Variants in CALN1 observed in about 807,000 individuals in gnomAD.
The protein encoded by CALN1 is calcium-binding protein 8.
A neutral mutation model predicts 30.6 loss-of-function variants in CALN1; 17 were observed. The ratio of observed to expected loss-of-function variants is 0.56; its 90% CI spans 0.38 to 0.83. The LOEUF (loss-of-function observed/expected upper bound fraction) is 0.83, where lower values mean the gene tolerates loss of function less well. Ranked by LOEUF, CALN1 falls within the 40% of genes least tolerant of loss-of-function variation. CALN1 has a pLI of 0.00. For synonymous variants in CALN1, 156 were observed against 131.4 expected (o/e 1.19, Z -1.28); for missense variants, 291 against 354.9 (o/e 0.82, Z 1.45).
At chr7:72,125,642 T>C (rs1808697736) in intron 3 of CALN1, among the ~76,000 whole-genome samples, 1 of 151,918 alleles carries the variant, frequency 6.6e-6, no homozygotes, top group Non-Finnish European at 1.5e-5. Context: ...GGGGAACAGG[T>C]GGGTTTTGTT....
chr7:72,122,797 T>C (rs1563077364), intron 3 of CALN1, among the ~76,000 whole-genome samples: 1 of 152,188 alleles, frequency 6.6e-6, no homozygotes, highest in Non-Finnish European at 1.5e-5. Context: ...CAACAAACGT[T>C]TCTTAAGCAC....
chr7:71,781,793 G>C lies in CALN1; in HGVS notation c.*5982C>G, dbSNP rs1415296120. The C allele has an allele frequency of 6.6e-6, 1 of 152,176 alleles. No homozygotes were observed. The highest frequency in any genetic ancestry group is 1.5e-5 in the Non-Finnish European group (1 of 68,044). The allele number at this position is 152,176 out of a possible 1,614,324, so 9.4% of individuals were successfully genotyped here. ...ATGGGTGAGTCTATGCCCGGCATGG[G>C]GGTTGTGCTCAACTGATGAACTACC... On this transcript the variant is annotated 3_prime_UTR_variant, in exon 7 of 7. Transcript: ENST00000395275.
upstream of CALN1, among the ~76,000 whole-genome samples, chr7:72,415,848 C>T (rs1293240748): frequency 1.3e-5 from 2 of 152,182 alleles, no homozygotes; most frequent in Admixed American, 6.5e-5. Flanking sequence ...GGTACCACCA[C>T]GCTCCTTCAC....
chr7:71,973,797 G>A (rs563613585), intron 5 of CALN1, among the ~76,000 whole-genome samples: 7 of 152,266 alleles, frequency 4.6e-5, no homozygotes, highest in Admixed American at 3.3e-4. Flanking sequence ...ACGCAGCTAC[G>A]TTTAAGTGAC....
chr7:72,221,106 G>A (rs1793254398), intron 3 of CALN1, among the ~76,000 whole-genome samples: 1 of 152,030 alleles, frequency 6.6e-6, no homozygotes, highest in African/African-American at 2.4e-5. Context: ...TTTTAGACAT[G>A]AAATCCTTGC....
chr7:72,462,216 C>A, the CALN1 span, among the ~76,000 whole-genome samples: 3 of 150,968 alleles, frequency 2.0e-5, no homozygotes, highest in African/African-American at 7.4e-5. Flanking sequence ...GAGTCTCACT[C>A]TGTCACCTAG....
intron 1 of CALN1, among the ~76,000 whole-genome samples, chr7:72,436,423 G>A (rs1303414691): frequency 1.3e-5 from 2 of 152,156 alleles, no homozygotes; most frequent in African/African-American, 2.4e-5. Context: ...GCCCTCTCCA[G>A]CCACGTGGAA....
At chr7:72,395,359 GCACA>G (rs71069064) in intron 2 of CALN1, among the ~76,000 whole-genome samples, 11 of 151,282 alleles carry the variant, frequency 7.3e-5, no homozygotes, top group Non-Finnish European at 1.5e-4. Flanking sequence ...GCACGCGCGC[GCACA>G]CACACACACA....
At chr7:72,273,390 C>G (rs1797124016) in intron 3 of CALN1, among the ~76,000 whole-genome samples, 1 of 147,004 alleles carries the variant, frequency 6.8e-6, no homozygotes, top group South Asian at 2.3e-4. Flanking sequence ...CCACTGCACT[C>G]CAGCCTGGGC....
At chr7:71,980,153 G>A (rs111978177) in intron 5 of CALN1, among the ~76,000 whole-genome samples, 7 of 144,970 alleles carry the variant, frequency 4.8e-5, no homozygotes, top group African/African-American at 1.0e-4. Flanking sequence ...GCAGGATTAC[G>A]GGCGTGAGCC....
At chr7:72,291,257 T>A (rs1351529825) in intron 2 of CALN1, among the ~76,000 whole-genome samples, 1 of 152,214 alleles carries the variant, frequency 6.6e-6, no homozygotes, top group Non-Finnish European at 1.5e-5. Context: ...CATATTTTTC[T>A]TCAGAATGTC....
At chr7:72,328,939 C>T (rs1801471244) in intron 2 of CALN1, among the ~76,000 whole-genome samples, 1 of 152,250 alleles carries the variant, frequency 6.6e-6, no homozygotes, top group Non-Finnish European at 1.5e-5. Context: ...TCAGCTGATC[C>T]AACCATCTCG....
intron 2 of CALN1, among the ~76,000 whole-genome samples, chr7:72,349,461 C>A (rs1212369432): frequency 6.6e-6 from 1 of 151,854 alleles, no homozygotes; most frequent in Non-Finnish European, 1.5e-5. Flanking sequence ...CACCAAGGTA[C>A]CTTATAATCA....
Position 72,258,899 on chromosome 7 carries a change from A to G in CALN1, c.244+19787T>C, listed in dbSNP as rs886864436. ...GAAACCCTGTCTCTACTAAAAAGTA[A>G]AAAAAAAAAAAGAAAGAAAGAAAGA... On this transcript the variant is annotated intron_variant, in intron 3 of 6. Transcript: ENST00000395275. Among the ~76,000 whole-genome samples the G allele has an allele frequency of 8.5e-4, 104 of 121,882 alleles. 1 individual carries two copies. Among genetic ancestry groups the G allele is most frequent in the South Asian group, 5.7e-3 (20 of 3,494 alleles). The allele number at this position is 121,882 out of a possible 152,430, so 80.0% of individuals were successfully genotyped here.
At chr7:71,954,473 TAAA>T (rs892092800) in intron 5 of CALN1, among the ~76,000 whole-genome samples, 1 of 148,666 alleles carries the variant, frequency 6.7e-6, no homozygotes, top group Admixed American at 6.7e-5. Flanking sequence ...AACTTAAAAT[TAAA>T]AAAAAAATTA....
intron 2 of CALN1, among the ~76,000 whole-genome samples, chr7:72,367,399 G>A (rs1164822505): frequency 1.3e-5 from 2 of 152,104 alleles, no homozygotes; most frequent in African/African-American, 4.8e-5. Context: ...TGAGGTGGGA[G>A]GATTGCTTCA....
intron 5 of CALN1, among the ~76,000 whole-genome samples, chr7:71,970,072 C>T (rs1797720767): frequency 6.6e-6 from 1 of 152,068 alleles, no homozygotes. Flanking sequence ...TGATCCTGAA[C>T]TCTTGGACTC....
chr7:71,843,986 T>G (rs753117325), intron 5 of CALN1, among the ~76,000 whole-genome samples: 9 of 152,140 alleles, frequency 5.9e-5, no homozygotes, highest in Non-Finnish European at 1.2e-4. Context: ...TACTCAGGAA[T>G]TGATCTCGGT....
intron 1 of CALN1, among the ~76,000 whole-genome samples, chr7:72,408,675 C>CTT (rs534883618): frequency 7.3e-4 from 57 of 77,974 alleles, no homozygotes; most frequent in Admixed American, 1.1e-3. Flanking sequence ...TTATCTTTTC[C>CTT]TTTTTTTTTT....
Sources: gnomAD v4.1 joint callset for allele counts (sites outside exome capture counted in the v4.1 genomes callset) on GRCh38, gnomAD v4.1.1 for gene constraint, MANE v1.5 for transcripts, NCBI Gene and HGNC (gene_info 2026-07-23, HGNC 2026-07-21) for gene names.